The following AFAP1 variants were observed in gnomAD, a reference collection of about 807,000 sequenced individuals.
AFAP1 encodes the protein actin filament associated protein 1.
AFAP1 carries 75 observed loss-of-function variants against 93.9 expected under a neutral mutation model. That is an observed-to-expected ratio of 0.80 (90% CI 0.66 to 0.97). The LOEUF is 0.97. Ranked by LOEUF, AFAP1 falls within the 50% of genes least tolerant of loss-of-function variation. The probability of loss-of-function intolerance (pLI) is 0.00; values close to 1 mark genes in which losing one functional copy is unlikely to be tolerated. For missense variants in AFAP1, 1,201 were observed against 1,050.8 expected (o/e 1.14, Z -1.98); for synonymous variants, 517 against 430.7 (o/e 1.20, Z -2.48).
At chr4:7,802,710 C>T (rs905383699) in intron 9 of AFAP1, among the ~76,000 whole-genome samples, 6 of 144,682 alleles carry the variant, frequency 4.1e-5, no homozygotes, top group Non-Finnish European at 7.4e-5. Context: ...AGTGCAGTGG[C>T]GTGATCTCAG....
intron 8 of AFAP1, among the ~76,000 whole-genome samples, chr4:7,813,069 T>C (rs1157851653): frequency 6.6e-6 from 1 of 152,204 alleles, no homozygotes; most frequent in African/African-American, 2.4e-5. Flanking sequence ...TCCAGAGTCG[T>C]TCCCTGTGGC....
In AFAP1 at chr4:7,797,980, G is replaced by C. The variant is rs553878451; in HGVS notation, c.1266+2462C>G. On this transcript the variant is annotated intron_variant, in intron 10 of 17. Transcript: ENST00000420658. ...GGTGGATATGGGTGAAGGGCGCACA[G>C]GCATCCTTCGTGCTATCCTTGCAAC... Among the ~76,000 whole-genome samples, 216 of 152,324 alleles carry C rather than the reference G, an allele frequency of 1.4e-3. 2 individuals are homozygous for C. In the South Asian group the frequency reaches 0.036, roughly 25 times the overall value.
chr4:7,792,277 G>A, intron 11 of AFAP1, among the ~76,000 whole-genome samples: 1 of 152,070 alleles, frequency 6.6e-6, no homozygotes, highest in East Asian at 1.9e-4. Flanking sequence ...CTTGCACTAG[G>A]AATAGATCTT....
At chr4:7,859,189 G>C (rs1265690313) in intron 3 of AFAP1, among the ~76,000 whole-genome samples, 1 of 152,190 alleles carries the variant, frequency 6.6e-6, no homozygotes. Flanking sequence ...GGGAGACGGA[G>C]GCAGGCAGAT....
chr4:7,938,320 T>G (rs540694228), intron 1 of AFAP1, among the ~76,000 whole-genome samples: 1 of 152,248 alleles, frequency 6.6e-6, no homozygotes. Flanking sequence ...GAACTTCAGG[T>G]TGGGTATTTG....
chr4:7,851,118 G>C (rs1341859379), intron 4 of AFAP1, among the ~76,000 whole-genome samples: 1 of 152,188 alleles, frequency 6.6e-6, no homozygotes, highest in Non-Finnish European at 1.5e-5. Flanking sequence ...CTGGGAGTTT[G>C]GAGCACGGCT....
intron 6 of AFAP1, among the ~76,000 whole-genome samples, chr4:7,829,125 A>C (rs1387635412): frequency 6.6e-6 from 1 of 152,136 alleles, no homozygotes; most frequent in Non-Finnish European, 1.5e-5. Flanking sequence ...CAAGATTGTA[A>C]GTTTCCCAAG....
chr4:7,827,569 C>CAAAAAAAAAAAAAAAAAAAAA lies in AFAP1; in HGVS notation c.727-8419_727-8399dup, dbSNP rs58075483. Among the ~76,000 whole-genome samples, 196 of 52,234 alleles carry CAAAAAAAAAAAAAAAAAAAAA rather than the reference C, an allele frequency of 3.8e-3. 23 individuals are homozygous for CAAAAAAAAAAAAAAAAAAAAA. The highest frequency in any genetic ancestry group is 4.8e-3 in the Non-Finnish European group (139 of 29,142). 34.3% of individuals were successfully genotyped at this position (52,234 alleles called of 152,430 possible). Reference sequence around the variant, plus strand: ...ATGAACAAGAGTGAAACTCTGTCTCCAAAAAAAAAAAAAAAAAAAAAGGGA... The same window carrying CAAAAAAAAAAAAAAAAAAAAA: ...ATGAACAAGAGTGAAACTCTGTCTCCAAAAAAAAAAAAAAAAAAAAAAAAAAAAAAAAAAAAAAAAAAGGGA... On this transcript the variant is annotated intron_variant, in intron 6 of 17. Coordinates refer to ENST00000420658, the MANE Select transcript of AFAP1 (RefSeq NM_001134647.2).
chr4:7,809,816 GA>G (rs573022095), intron 8 of AFAP1, 53 bp from the exon 9 acceptor site: 481 of 1,421,032 alleles, frequency 3.4e-4, no homozygotes, highest in Admixed American at 1.0e-3. Flanking sequence ...GATATTAATT[GA>G]AAAAAAAAAC....
chr4:7,898,981 G>A (rs906001741), intron 1 of AFAP1, among the ~76,000 whole-genome samples: 3 of 147,288 alleles, frequency 2.0e-5, no homozygotes, highest in Admixed American at 6.8e-5. Context: ...TATATACAAT[G>A]GTATTGTATA....
chr4:7,838,348 C>T (rs1712560082), intron 6 of AFAP1, among the ~76,000 whole-genome samples, 176 bp downstream of exon 6: 1 of 152,230 alleles, frequency 6.6e-6, no homozygotes, highest in Middle Eastern at 3.4e-3. Flanking sequence ...GAAAGTGACG[C>T]GGGGTTTCTG....
chr4:7,819,389 T>C lies in AFAP1; in HGVS notation c.727-218A>G, dbSNP rs113577464. ...TCAACGCTGGTACTAACATAGGGCA[T>C]GGAACATGCAACTACGTTTCCTGCT... On this transcript the variant is annotated intron_variant, in intron 6 of 17. Transcript: ENST00000420658. Among the ~76,000 whole-genome samples, 465 of 152,304 alleles carry C rather than the reference T, an allele frequency of 3.1e-3. 3 individuals are homozygous for C. The highest frequency in any genetic ancestry group is 0.011 in the African/African-American group (441 of 41,578).
At chr4:7,848,084 G>A (rs1020595239) in intron 4 of AFAP1, among the ~76,000 whole-genome samples, 1 of 136,762 alleles carries the variant, frequency 7.3e-6, no homozygotes. Context: ...TGGACGGAAG[G>A]AGGGAGGGAA....
intron 1 of AFAP1, among the ~76,000 whole-genome samples, chr4:7,901,405 C>G (rs1028091009): frequency 6.6e-6 from 1 of 152,314 alleles, no homozygotes; most frequent in African/African-American, 2.4e-5. Flanking sequence ...CCTCCATCAC[C>G]AGCATGTTGG....
chr4:7,885,107 C>A (rs1718071700), intron 1 of AFAP1, among the ~76,000 whole-genome samples: 1 of 152,202 alleles, frequency 6.6e-6, no homozygotes, highest in South Asian at 2.1e-4. Flanking sequence ...GTTCCCAAAC[C>A]ATGACCAACC....
At chr4:7,866,237 C>A (rs1185638633) in intron 3 of AFAP1, among the ~76,000 whole-genome samples, 1 of 151,740 alleles carries the variant, frequency 6.6e-6, no homozygotes, top group African/African-American at 2.4e-5. Flanking sequence ...CGCTCTGTCA[C>A]CCAGGCTGTA....
Position 7,899,382 on chromosome 4 carries a change from C to A in AFAP1, c.-2-27302G>T, listed in dbSNP as rs116286356. On this transcript the variant is annotated intron_variant, in intron 1 of 17. Transcript: ENST00000420658. ...CAAGAAACAGTGGCTGGGTGAATGA[C>A]GAGTTAAGAACCGTTTGTCAGTCAG... is the stretch of plus-strand genomic sequence containing the variant. Among the ~76,000 whole-genome samples, 618 of 152,230 alleles carry A rather than the reference C, an allele frequency of 4.1e-3. 4 individuals are homozygous for A. Among genetic ancestry groups the A allele is most frequent in the African/African-American group, 0.014 (585 of 41,552 alleles).
At chr4:7,851,976 A>G (rs1024686699) in intron 4 of AFAP1, among the ~76,000 whole-genome samples, 7 of 152,228 alleles carry the variant, frequency 4.6e-5, no homozygotes, top group Non-Finnish European at 8.8e-5. Context: ...CAGCAAATCA[A>G]GTACACAATA....
intron 16 of AFAP1, among the ~76,000 whole-genome samples, chr4:7,771,879 G>A (rs1715487828): frequency 6.6e-6 from 1 of 152,132 alleles, no homozygotes; most frequent in South Asian, 2.1e-4. Flanking sequence ...GATGGGAGAG[G>A]CTTGGAGGAG....
Sources: gnomAD v4.1 joint callset for allele counts (sites outside exome capture counted in the v4.1 genomes callset) on GRCh38, gnomAD v4.1.1 for gene constraint, MANE v1.5 for transcripts, NCBI Gene and HGNC (gene_info 2026-07-23, HGNC 2026-07-21) for gene names.